Variants in RAB3IL1 observed in about 807,000 individuals in gnomAD.
RAB3IL1 encodes RAB3A interacting protein like 1.
A neutral mutation model predicts 49.2 loss-of-function variants in RAB3IL1; 37 were observed. That is an observed-to-expected ratio of 0.75 (90% CI 0.58 to 0.99). RAB3IL1 has a LOEUF of 0.99. Ranked by LOEUF, RAB3IL1 falls within the 50% of genes least tolerant of loss-of-function variation. The pLI, the probability that RAB3IL1 is intolerant of heterozygous loss-of-function variation, is 0.00. For missense variants in RAB3IL1, 484 were observed against 513.0 expected (o/e 0.94, Z 0.55); for synonymous variants, 193 against 213.9 (o/e 0.90, Z 0.85).
In RAB3IL1 at chr11:61,904,664, G is replaced by C; in HGVS notation, c.787-6C>G. Reference sequence around the variant, plus strand: ...GCCCGTACCAGCACCGAGAGCTGTGGCAGACCAGGGAGGCAGGCAGGGTGG... The same window carrying C: ...GCCCGTACCAGCACCGAGAGCTGTGCCAGACCAGGGAGGCAGGCAGGGTGG... On this transcript the variant is annotated splice_region_variant and splice_polypyrimidine_tract_variant and intron_variant, in intron 6 of 9. Transcript: ENST00000394836. 6.2e-7 allele frequency: 1 copy of C among 1,608,318 alleles called. No individual in the cohort carries two copies. The highest frequency in any genetic ancestry group is 8.5e-7 in the Non-Finnish European group (1 of 1,177,342).
At chr11:61,915,971 G>A (rs1165498483) in intron 1 of RAB3IL1, among the ~76,000 whole-genome samples, 1 of 151,018 alleles carries the variant, frequency 6.6e-6, no homozygotes, top group Non-Finnish European at 1.5e-5. Flanking sequence ...CTGGGAGGTG[G>A]AGCTTGCACT....
intron 8 of RAB3IL1, among the ~76,000 whole-genome samples, chr11:61,901,207 G>C (rs1041086511): frequency 6.6e-6 from 1 of 152,194 alleles, no homozygotes. Flanking sequence ...GGTTCCTCAA[G>C]CTGTGTCACT....
intron 7 of RAB3IL1, 139 bp downstream of exon 7, chr11:61,904,407 G>T: frequency 1.1e-6 from 1 of 876,974 alleles, no homozygotes; most frequent in Non-Finnish European, 1.8e-6. Flanking sequence ...CTGCCAAACT[G>T]CCTCCTTGCC....
chr11:61,934,446 GTATGTATA>G, the RAB3IL1 span, among the ~76,000 whole-genome samples: 5 of 24,404 alleles, frequency 2.0e-4, no homozygotes, highest in African/African-American at 4.0e-4. Context: ...GTGTGTGTGT[GTATGTATA>G]TATATATATA....
chr11:61,916,145 A>G (rs1939675659), intron 1 of RAB3IL1, among the ~76,000 whole-genome samples: 1 of 152,040 alleles, frequency 6.6e-6, no homozygotes, highest in Non-Finnish European at 1.5e-5. Context: ...CAGGAGTTCG[A>G]GACCAGCCTG....
chr11:61,932,083 CT>C, the RAB3IL1 span, among the ~76,000 whole-genome samples: 2 of 151,902 alleles, frequency 1.3e-5, no homozygotes, highest in Non-Finnish European at 2.9e-5. Context: ...AACCCCGTCT[CT>C]ACTAAAAATA....
chr11:61,936,930 G>A, the RAB3IL1 span, among the ~76,000 whole-genome samples: 1 of 152,116 alleles, frequency 6.6e-6, no homozygotes, highest in Non-Finnish European at 1.5e-5. Context: ...TAGTAGACCT[G>A]CCATATAAGA....
the RAB3IL1 span, among the ~76,000 whole-genome samples, chr11:61,934,444 G>GTGTGTA: frequency 1.2e-5 from 1 of 83,668 alleles, no homozygotes; most frequent in East Asian, 3.8e-4. Context: ...GTGTGTGTGT[G>GTGTGTA]TGTATGTATA....
At chr11:61,918,561 G>A (rs1939808291), upstream of RAB3IL1, among the ~76,000 whole-genome samples, 1 of 152,272 alleles carries the variant, frequency 6.6e-6, no homozygotes, top group South Asian at 2.1e-4. Context: ...TATGGGGCAT[G>A]CAAGGGGCTG....
the RAB3IL1 span, among the ~76,000 whole-genome samples, chr11:61,925,523 T>C: frequency 4.6e-5 from 7 of 151,840 alleles, no homozygotes; most frequent in Non-Finnish European, 1.0e-4. Context: ...TAATCCCAGC[T>C]ACTTGGGAGG....
the RAB3IL1 span, among the ~76,000 whole-genome samples, chr11:61,934,413 C>A: frequency 2.3e-4 from 17 of 73,522 alleles, no homozygotes; most frequent in African/African-American, 8.7e-4. Flanking sequence ...TGTATATATA[C>A]ATATATATGT....
At chr11:61,919,274 C>T (rs1206735204), upstream of RAB3IL1, among the ~76,000 whole-genome samples, 2 of 152,130 alleles carry the variant, frequency 1.3e-5, no homozygotes, top group African/African-American at 4.8e-5. Flanking sequence ...TCTGGTGGAC[C>T]GGGGAGGCCC....
chr11:61,944,578 G>T, the RAB3IL1 span, among the ~76,000 whole-genome samples: 1 of 152,020 alleles, frequency 6.6e-6, no homozygotes, highest in Non-Finnish European at 1.5e-5. Flanking sequence ...ACAGAAAAAA[G>T]GACGATGCTC....
rs572906362 is a variant in RAB3IL1 at position 61,908,129 on chromosome 11, G to A, written c.189C>T (p.Arg63=). The change falls in exon 2 of 10, where the codon CGC becomes CGT. Residue 63 remains arginine (R), a synonymous_variant. Coordinates refer to ENST00000394836, the MANE Select transcript of RAB3IL1 (RefSeq NM_013401.4). ...GGATCTCCATGGAAGAGCTGCGCAG[G>A]CGCAACACGTCCAGCTGGGCGGCTG... ...GPAAAQLDVL[R]LRSSSMEIRE... The A allele has an allele frequency of 2.2e-5, 36 of 1,604,052 alleles. No homozygotes were observed. In the South Asian group the frequency reaches 3.7e-4, roughly 16 times the overall value.
the RAB3IL1 span, among the ~76,000 whole-genome samples, chr11:61,932,237 C>T: frequency 5.3e-5 from 8 of 150,580 alleles, no homozygotes; most frequent in African/African-American, 2.0e-4. Flanking sequence ...GGAGACAGAG[C>T]GAGACTCTGT....
chr11:61,900,085 C>T (rs778631420), intron 8 of RAB3IL1, among the ~76,000 whole-genome samples: 3 of 152,234 alleles, frequency 2.0e-5, no homozygotes, highest in Non-Finnish European at 2.9e-5. Context: ...TCTGTACTCA[C>T]TCCTCCTGTA....
In RAB3IL1 at chr11:61,908,280, G is replaced by A. The variant is rs773111813; in HGVS notation, c.38C>T (p.Pro13Leu). Residue 13 changes from proline to leucine, a missense_variant, in exon 2 of 10, where the codon CCG (proline) becomes CTG (leucine). By Grantham distance (98) the Pro-to-Leu change is moderately conservative. Coordinates refer to ENST00000394836, the MANE Select transcript of RAB3IL1 (RefSeq NM_013401.4). ...SGPPQPDQGL[P>L]PPLAAVPVPW... ...GACCGGGACAGCTGCAAGGGGCGGC[G>A]GGAGGCCCTGGTCTGGCTGGGGTGG... 7.5e-5 allele frequency: 113 copies of A among 1,496,860 alleles called. No homozygotes were observed. Among genetic ancestry groups the A allele is most frequent in the Middle Eastern group, 2.2e-4 (1 of 4,538 alleles). The allele number at this position is 1,496,860 out of a possible 1,614,324, so 92.7% of individuals were successfully genotyped here. A position where few individuals can be genotyped will look rare whatever the true frequency, so the allele number is the denominator to read the frequency against.
chr11:61,942,592 T>C, the RAB3IL1 span, among the ~76,000 whole-genome samples: 1 of 152,224 alleles, frequency 6.6e-6, no homozygotes, highest in East Asian at 1.9e-4. Flanking sequence ...CATGATCTTA[T>C]ATGTAGTAAA....
intron 8 of RAB3IL1, among the ~76,000 whole-genome samples, chr11:61,899,905 G>C (rs1938817168): frequency 6.6e-6 from 1 of 152,222 alleles, no homozygotes; most frequent in Non-Finnish European, 1.5e-5. Flanking sequence ...GGGGCCTCAG[G>C]CCTGCTCCAT....
Sources: gnomAD v4.1 joint callset for allele counts (sites outside exome capture counted in the v4.1 genomes callset) on GRCh38, gnomAD v4.1.1 for gene constraint, MANE v1.5 for transcripts, NCBI Gene and HGNC (gene_info 2026-07-23, HGNC 2026-07-21) for gene names.